ASPM: variants seen among roughly 807,000 people sequenced by gnomAD.
ASPM encodes assembly factor for spindle microtubules.
Under a neutral mutation model 366.4 loss-of-function variants are expected in ASPM, and 256 were observed. The observed-to-expected ratio is 0.70, with a 90% CI of 0.63 to 0.77. The LOEUF (loss-of-function observed/expected upper bound fraction) is 0.77. Ranked by LOEUF, ASPM falls within the 30% of genes least tolerant of loss-of-function variation. ASPM has a pLI of 0.00. For missense variants in ASPM, 4,146 were observed against 4,090.4 expected (o/e 1.01, Z -0.37); for synonymous variants, 1,414 against 1,342.9 (o/e 1.05, Z -1.16).
At chr1:197,086,334 G>A (rs1484706704) in intron 27 of ASPM, among the ~76,000 whole-genome samples, 1 of 152,022 alleles carries the variant, frequency 6.6e-6, no homozygotes, top group Non-Finnish European at 1.5e-5. Flanking sequence ...TGCCATGACG[G>A]TTCACCAAAA....
intron 18 of ASPM, 121 bp from the exon 19 acceptor site, chr1:197,096,285 T>A (rs939906095): frequency 2.3e-6 from 2 of 853,884 alleles, no homozygotes; most frequent in Non-Finnish European, 3.8e-6. Context: ...AATTGCATAG[T>A]CATATCATGA....
chr1:197,142,496 C>T lies in ASPM; in HGVS notation c.1756G>A (p.Val586Met). The T allele has an allele frequency of 6.2e-7, 1 of 1,614,046 alleles. No individual in the cohort carries two copies. Among genetic ancestry groups the T allele is most frequent in the African/African-American group, 1.3e-5 (1 of 75,058 alleles). ...KSDGSMEDAN[V>M]RVAITEHTEV... Reference sequence around the variant, plus strand: ...GTATGTTCTGTAATTGCAACTCTCACATTTGCATCTTCCATGCTTCCATCG... The same window carrying T: ...GTATGTTCTGTAATTGCAACTCTCATATTTGCATCTTCCATGCTTCCATCG... The change falls in exon 3 of 28, where the codon GTG becomes ATG. Residue 586 changes from valine to methionine, a missense_variant. Physicochemically the swap from Val to Met is conservative, Grantham distance 21 (BLOSUM62 1). Coordinates refer to ENST00000367409, the MANE Select transcript of ASPM (RefSeq NM_018136.5).
intron 11 of ASPM, 29 bp downstream of exon 11, chr1:197,125,017 A>C (rs752405879): frequency 2.8e-5 from 45 of 1,611,964 alleles, no homozygotes; most frequent in Non-Finnish European, 3.6e-5. Flanking sequence ...CAGTGAGGAG[A>C]ATAAGTTTTA....
intron 19 of ASPM, among the ~76,000 whole-genome samples, chr1:197,094,862 T>C (rs568361024): frequency 1.8e-4 from 27 of 151,704 alleles, no homozygotes; most frequent in African/African-American, 3.4e-4. Context: ...CCAAACACCA[T>C]TGAGAAAAAT....
At chr1:197,124,844 T>A in intron 12 of ASPM, 26 bp downstream of exon 12, 1 of 1,527,520 alleles carries the variant, frequency 6.5e-7, no homozygotes. Context: ...TGATAAAAAA[T>A]ACAAGATGTA....
chr1:197,089,095 C>T (rs1004481654), intron 25 of ASPM, among the ~76,000 whole-genome samples: 7 of 151,894 alleles, frequency 4.6e-5, no homozygotes, highest in Non-Finnish European at 1.0e-4. Context: ...GTTTTGAGTA[C>T]TGTTACTATA....
In ASPM at chr1:197,100,798, G is replaced by A. The variant is rs1657138557; in HGVS notation, c.8453C>T (p.Ala2818Val). 1 of 1,612,520 alleles carries A rather than the reference G, an allele frequency of 6.2e-7. No individual in the cohort carries two copies. The highest frequency in any genetic ancestry group is 8.5e-7 in the Non-Finnish European group (1 of 1,179,112). Residue 2818 changes from alanine to valine, a missense_variant, in exon 18 of 28, where the codon GCA becomes GTA. Transcript: ENST00000367409. ...ACAAAAAGCTTTTTGAATTGTTACT[G>A]CAGCCCTACTTTGAGAATGATACTC... The part of the protein sequence containing the change: ...EAEYHSQSRA[A>V]VTIQKAFCRM...
Position 197,130,024 on chromosome 1 carries a change from A to C in ASPM, c.2520T>G (p.Asp840Glu). 1 of 1,613,954 alleles carries C rather than the reference A, an allele frequency of 6.2e-7. No individual in the cohort carries two copies. Residue 840 changes from aspartate (D) to glutamate (E), a missense_variant, in exon 8 of 28, where the codon GAT (aspartate) becomes GAG (glutamate). Physicochemically the swap from Asp to Glu is conservative, Grantham distance 45 (BLOSUM62 2). Transcript: ENST00000367409. ...TAGCCAACCCTGTGACATCACTGTT[A>C]TCTTCCAAAGATATGAGTTCTCCAT... ...TTYGELISLEDNSDVTGLAMF... is the reference protein window; with the variant it reads ...TTYGELISLEENSDVTGLAMF...
chr1:197,120,137 C>A (rs920245256), intron 16 of ASPM, among the ~76,000 whole-genome samples: 3 of 152,028 alleles, frequency 2.0e-5, no homozygotes, highest in Non-Finnish European at 4.4e-5. Flanking sequence ...AAAAAAACTT[C>A]TCTTAATCCT....
At chr1:197,094,516 A>C (rs546020005) in intron 19 of ASPM, among the ~76,000 whole-genome samples, 12 of 151,878 alleles carry the variant, frequency 7.9e-5, no homozygotes, top group African/African-American at 2.4e-4. Context: ...TGGTAGAAAT[A>C]ATGGTAAAAT....
intron 4 of ASPM, among the ~76,000 whole-genome samples, chr1:197,135,458 AC>A (rs1489596074): frequency 6.6e-6 from 1 of 152,178 alleles, no homozygotes; most frequent in Non-Finnish European, 1.5e-5. Flanking sequence ...GTTATTTAAC[AC>A]TAAACCACCA....
chr1:197,106,188 C>G (rs1571603886), intron 17 of ASPM, among the ~76,000 whole-genome samples: 3 of 151,896 alleles, frequency 2.0e-5, no homozygotes, highest in South Asian at 2.1e-4. Flanking sequence ...TTTTCCTGAC[C>G]CTTTTCCTGT....
rs754518048 is a variant in ASPM at position 197,103,277 on chromosome 1, T to C, written c.5974A>G (p.Ile1992Val). ...RMHVQQKKWK[I>V]MKKAALLIQK... ...ATCAGAAGAGCAGCTTTTTTCATGA[T>C]TTTCCACTTCTTTTGTTGCACATGC... Residue 1992 changes from isoleucine (I) to valine (V), a missense_variant, in exon 18 of 28, where the codon ATC becomes GTC. Ile to Val is a conservative substitution (Grantham distance 29). Coordinates refer to ENST00000367409, the MANE Select transcript of ASPM (RefSeq NM_018136.5). 2.5e-6 allele frequency: 4 copies of C among 1,613,042 alleles called. No individual in the cohort carries two copies. The East Asian group carries it at 8.9e-5, about 36-fold the overall frequency.
Position 197,103,582 on chromosome 1 carries a change from A to C in ASPM, c.5669T>G (p.Val1890Gly), listed in dbSNP as rs1571601153. ...ATGTTCCCTTCTAATCTGTTTCCGA[A>C]CCTTCCAGCCACGATAAGCAGACTG... ...SLQSAYRGWK[V>G]RKQIRREHQA... The change falls in exon 18 of 28, where the codon GTT becomes GGT. Residue 1890 changes from valine to glycine, a missense_variant. Coordinates refer to ENST00000367409, the MANE Select transcript of ASPM (RefSeq NM_018136.5). 3.1e-6 allele frequency: 5 copies of C among 1,612,780 alleles called. No individual in the cohort carries two copies. Among genetic ancestry groups the C allele is most frequent in the Non-Finnish European group, 4.2e-6 (5 of 1,179,422 alleles).
chr1:197,120,511 CAG>C (rs983171295), intron 16 of ASPM, among the ~76,000 whole-genome samples: 1 of 152,010 alleles, frequency 6.6e-6, no homozygotes, highest in African/African-American at 2.4e-5. Flanking sequence ...GCCTGGGTGA[CAG>C]AGTGAGACCT....
At chr1:197,097,949 G>A (rs1051641388) in intron 18 of ASPM, among the ~76,000 whole-genome samples, 1 of 150,374 alleles carries the variant, frequency 6.7e-6, no homozygotes, top group Non-Finnish European at 1.5e-5. Context: ...AAGTTTTAAT[G>A]AGAAAATTAT....
chr1:197,084,281 T>G lies in ASPM; in HGVS notation c.*43A>C. 4.2e-6 allele frequency: 6 copies of G among 1,430,026 alleles called. No homozygotes were observed. The African/African-American group carries it at 8.4e-5, about 20-fold the overall frequency. The allele number at this position is 1,430,026 out of a possible 1,614,324, so 88.6% of individuals were successfully genotyped here. ...CACTTTACGTACTCATGATTGGCTT[T>G]AATATTTCTTTACACTATACATACT... On this transcript the variant is annotated 3_prime_UTR_variant, in exon 28 of 28. Transcript: ENST00000367409.
rs200839523 is a variant in ASPM, at chr1:197,084,431, T to TAAA, written c.10332-8_10332-6dup. The TAAA allele has an allele frequency of 4.5e-4, 641 of 1,409,936 alleles. No individual in the cohort carries two copies. Among genetic ancestry groups the TAAA allele is most frequent in the South Asian group, 2.0e-3 (168 of 83,422 alleles). 87.3% of individuals were successfully genotyped at this position (1,409,936 alleles called of 1,614,324 possible). ...AAAACCCAATCTGGCTTAAGTCTGT[T>TAAA]AAAAAAAAAAAAAAAGTCTGGCATT... On this transcript the variant is annotated splice_polypyrimidine_tract_variant and splice_region_variant and intron_variant, in intron 27 of 27. Coordinates refer to ENST00000367409, the MANE Select transcript of ASPM (RefSeq NM_018136.5).
At chr1:197,105,223 A>G (rs754317883) in intron 17 of ASPM, 38 bp from the exon 18 acceptor site, 2 of 1,456,276 alleles carry the variant, frequency 1.4e-6, no homozygotes, top group South Asian at 2.3e-5. Context: ...TAAAATAGGC[A>G]TAGCTTTCTA....
Sources: gnomAD v4.1 joint callset for allele counts (sites outside exome capture counted in the v4.1 genomes callset) on GRCh38, gnomAD v4.1.1 for gene constraint, MANE v1.5 for transcripts, NCBI Gene and HGNC (gene_info 2026-07-23, HGNC 2026-07-21) for gene names.